IGSF10: variants seen among roughly 807,000 people sequenced by gnomAD.
The protein encoded by IGSF10 is immunoglobulin superfamily member 10.
Under a neutral mutation model 128.2 loss-of-function variants are expected in IGSF10, and 126 were observed. The ratio of observed to expected loss-of-function variants is 0.98; its 90% CI spans 0.85 to 1.14. The LOEUF is 1.14. Among genes scored for constraint, IGSF10 ranks in the 50% most tolerant of loss-of-function variants. IGSF10 has a pLI of 0.00. For synonymous variants in IGSF10, 1,185 were observed against 1,146.2 expected (o/e 1.03, Z -0.68); for missense variants, 3,295 against 3,149.8 (o/e 1.05, Z -1.10).
the IGSF10 span, among the ~76,000 whole-genome samples, chr3:151,481,440 G>C: frequency 6.6e-6 from 1 of 152,056 alleles, no homozygotes; most frequent in Non-Finnish European, 1.5e-5. Context: ...AAATTGAAGC[G>C]GTCCTAAATT....
chr3:151,482,469 A>G, the IGSF10 span, among the ~76,000 whole-genome samples: 2 of 152,330 alleles, frequency 1.3e-5, no homozygotes, highest in African/African-American at 4.8e-5. Context: ...ATCAGAGGAA[A>G]GAATCTATGA....
chr3:151,440,441 C>T (rs1192002012), intron 7 of IGSF10: 1 of 391,734 alleles, frequency 2.6e-6, no homozygotes, highest in Non-Finnish European at 5.1e-6. Flanking sequence ...GGCATATAAA[C>T]CAAAGTAAAA....
chr3:151,451,329 T>C (rs1721501428), intron 5 of IGSF10, among the ~76,000 whole-genome samples: 1 of 152,200 alleles, frequency 6.6e-6, no homozygotes, highest in East Asian at 1.9e-4. Context: ...CTCCCTGTTT[T>C]ATAGTCTCTG....
In IGSF10 at chr3:151,445,555, G is replaced by A. The variant is rs768595263; in HGVS notation, c.4426C>T (p.Pro1476Ser). ...LSSSATLMPV[P>S]ISPPFTQRAV... ...CTCTGAGTAAAGGGAGGGGAGATGG[G>A]AACTGGCATTAGAGTAGCACTGCTG... The change falls in exon 6 of 8, where the codon CCC becomes TCC. Residue 1476 changes from proline (P) to serine (S), a missense_variant. By Grantham distance (74) the Pro-to-Ser change is moderately conservative (BLOSUM62 -1). Transcript: ENST00000282466. 6.2e-7 allele frequency: 1 copy of A among 1,614,232 alleles called. No individual in the cohort carries two copies. The highest frequency in any genetic ancestry group is 1.1e-5 in the South Asian group (1 of 91,080).
At chr3:151,532,574 AACC>A in the IGSF10 span, among the ~76,000 whole-genome samples, 4 of 152,166 alleles carry the variant, frequency 2.6e-5, no homozygotes, top group Non-Finnish European at 4.4e-5. Context: ...CAATGATAAA[AACC>A]ACATGATTAT....
the IGSF10 span, among the ~76,000 whole-genome samples, chr3:151,528,471 G>T: frequency 2.6e-5 from 4 of 152,190 alleles, no homozygotes; most frequent in Admixed American, 2.6e-4. Flanking sequence ...GATGCAGAAG[G>T]CAGGTGATTT....
chr3:151,488,488 G>A, the IGSF10 span, among the ~76,000 whole-genome samples: 1 of 152,136 alleles, frequency 6.6e-6, no homozygotes, highest in African/African-American at 2.4e-5. Flanking sequence ...AATGTCATAT[G>A]GAACCAAAGA....
chr3:151,460,587 T>A (rs1722001306), intron 1 of IGSF10, among the ~76,000 whole-genome samples: 2 of 152,224 alleles, frequency 1.3e-5, no homozygotes, highest in African/African-American at 2.4e-5. Flanking sequence ...GTGTACTTAA[T>A]ACTCCTTAAA....
the IGSF10 span, among the ~76,000 whole-genome samples, chr3:151,467,319 A>G: frequency 2.0e-5 from 3 of 152,200 alleles, no homozygotes; most frequent in African/African-American, 4.8e-5. Flanking sequence ...CCTGTCTGCT[A>G]TAACTACTTT....
At position 151,443,168 on chromosome 3, in the gene IGSF10, G is replaced by T. The variant is rs370097307; in HGVS notation, c.5779C>A (p.Arg1927=). Residue 1927 remains arginine, a synonymous_variant, in exon 7 of 8, where the codon CGA becomes AGA. Coordinates refer to ENST00000282466, the MANE Select transcript of IGSF10 (RefSeq NM_178822.5). ...CIATSSTGSE[R]RVVMLTMEER... is the part of the protein sequence containing the mutation. ...TCCATTGTAAGCATTACTACTCTTC[G>T]CTCCGAACCAGTGGAACTGGTAGCA... 6.2e-7 allele frequency: 1 copy of T among 1,614,188 alleles called. No homozygotes were observed. The highest frequency in any genetic ancestry group is 8.5e-7 in the Non-Finnish European group (1 of 1,180,030).
At chr3:151,587,276 T>C in the IGSF10 span, among the ~76,000 whole-genome samples, 18 of 152,298 alleles carry the variant, frequency 1.2e-4, no homozygotes, top group Non-Finnish European at 2.2e-4. Flanking sequence ...AATTTTCTCC[T>C]AACACAGAGA....
At chr3:151,528,555 A>G in the IGSF10 span, among the ~76,000 whole-genome samples, 42 of 152,194 alleles carry the variant, frequency 2.8e-4, no homozygotes, top group African/African-American at 9.2e-4. Context: ...CATGGAGGGC[A>G]AACCAAAGCA....
At chr3:151,476,169 A>G in the IGSF10 span, 2 of 152,216 alleles carry the variant, frequency 1.3e-5, no homozygotes. Flanking sequence ...TGCTACTGCT[A>G]TGATGTATTG....
Position 151,457,024 on chromosome 3 carries a change from A to G in IGSF10, c.324+2T>C, listed in dbSNP as rs749809756. On this transcript the variant is annotated splice_donor_variant, in intron 4 of 7. Transcript: ENST00000282466. LOFTEE classifies it high-confidence loss of function. ...CCTGCCCCCTCTCTCCATCAGTCTC[A>G]CCTGCAAGGCCTGCAAATCTGAGAA... 6.2e-7 allele frequency: 1 copy of G among 1,614,058 alleles called. No homozygotes were observed. The highest frequency in any genetic ancestry group is 8.5e-7 in the Non-Finnish European group (1 of 1,179,986).
At chr3:151,553,376 ATTTAT>A in the IGSF10 span, among the ~76,000 whole-genome samples, 1 of 152,022 alleles carries the variant, frequency 6.6e-6, no homozygotes, top group African/African-American at 2.4e-5. Context: ...TAACATTTTT[ATTTAT>A]TTTAAGTTGG....
the IGSF10 span, among the ~76,000 whole-genome samples, chr3:151,593,950 T>C: frequency 4.6e-5 from 7 of 151,886 alleles, no homozygotes; most frequent in South Asian, 2.1e-4. Context: ...TAGGATTTCA[T>C]CTCAGAAAAA....
the IGSF10 span, among the ~76,000 whole-genome samples, chr3:151,568,966 G>T: frequency 6.6e-6 from 1 of 152,166 alleles, no homozygotes; most frequent in African/African-American, 2.4e-5. Flanking sequence ...CACAGCCCCC[G>T]AAAAGAAGAA....
chr3:151,435,062 CTTTTTTTTT>C (rs66791814), downstream of IGSF10: 28 of 119,084 alleles, frequency 2.4e-4, no homozygotes, highest in Non-Finnish European at 3.8e-4. Context: ...TGAGAGGTTT[CTTTTTTTTT>C]TTTTTTTTTT....
chr3:151,515,550 C>G, the IGSF10 span, among the ~76,000 whole-genome samples: 1 of 151,294 alleles, frequency 6.6e-6, no homozygotes, highest in African/African-American at 2.4e-5. Flanking sequence ...AGCACACCAA[C>G]ATGGCACATG....
Sources: gnomAD v4.1 joint callset for allele counts (sites outside exome capture counted in the v4.1 genomes callset) on GRCh38, gnomAD v4.1.1 for gene constraint, MANE v1.5 for transcripts, NCBI Gene and HGNC (gene_info 2026-07-23, HGNC 2026-07-21) for gene names.